The following PLA2G5 variants were observed in gnomAD, a reference collection of about 807,000 sequenced individuals.
PLA2G5 encodes the protein phospholipase A2 group V, also known as Ca2+-dependent phospholipase A2.
A neutral mutation model predicts 15.9 loss-of-function variants in PLA2G5; 12 were observed. That is an observed-to-expected ratio of 0.76 (90% CI 0.48 to 1.23). The LOEUF is 1.23. PLA2G5 is among the 50% of genes most tolerant of loss of function. The probability of loss-of-function intolerance (pLI) is 0.00; values close to 1 mark genes in which losing one functional copy is unlikely to be tolerated. For synonymous variants in PLA2G5, 71 were observed against 71.4 expected (o/e 0.99, Z 0.03); for missense variants, 169 against 177.1 (o/e 0.95, Z 0.26).
intron 1 of PLA2G5, among the ~76,000 whole-genome samples, chr1:20,047,937 TA>T (rs1229740835): frequency 6.6e-6 from 1 of 152,158 alleles, no homozygotes. Flanking sequence ...TAAGATGACT[TA>T]GCTGACAACT....
At chr1:20,089,648 A>C in intron 3 of PLA2G5, 141 bp from the exon 4 acceptor site, 1 of 643,250 alleles carries the variant, frequency 1.6e-6, no homozygotes. Flanking sequence ...TTACTCAGTC[A>C]CACTACCAGA....
chr1:20,061,088 C>G (rs1363008475), intron 2 of PLA2G5, among the ~76,000 whole-genome samples: 1 of 152,196 alleles, frequency 6.6e-6, no homozygotes, highest in African/African-American at 2.4e-5. Context: ...CCTGGTGATT[C>G]CGGACCTCCT....
At chr1:20,069,589 A>C (rs2015231701), upstream of PLA2G5, among the ~76,000 whole-genome samples, 1 of 152,156 alleles carries the variant, frequency 6.6e-6, no homozygotes, top group Non-Finnish European at 1.5e-5. Context: ...GAAGCCCAGG[A>C]AGCCGAGGCT....
At chr1:20,086,062 G>C (rs761188147) in intron 2 of PLA2G5, 21 bp from the exon 3 acceptor site, 4 of 1,613,664 alleles carry the variant, frequency 2.5e-6, no homozygotes, top group Non-Finnish European at 3.4e-6. Flanking sequence ...GTGTCACCTG[G>C]GGACATGGGC....
intron 1 of PLA2G5, among the ~76,000 whole-genome samples, chr1:20,084,617 T>A (rs555534113): frequency 1.3e-5 from 2 of 152,262 alleles, no homozygotes; most frequent in East Asian, 3.9e-4. Context: ...TGCAAATGCT[T>A]CCATTATTGT....
intron 1 of PLA2G5, chr1:20,054,742 A>G (rs886581536): frequency 6.6e-6 from 1 of 151,950 alleles, no homozygotes; most frequent in African/African-American, 2.4e-5. Context: ...ACAATTACAC[A>G]TATTGCTTTA....
chr1:20,065,559 G>T (rs1001715652), upstream of PLA2G5, among the ~76,000 whole-genome samples: 4 of 152,086 alleles, frequency 2.6e-5, no homozygotes. Flanking sequence ...ATGCCTTTAT[G>T]TTCCTCCATG....
At chr1:20,063,455 C>T (rs2014843583) in intron 2 of PLA2G5, 1 of 152,174 alleles carries the variant, frequency 6.6e-6, no homozygotes, top group African/African-American at 2.4e-5. Context: ...TCTTTGCTCA[C>T]ATCCTGGAGT....
chr1:20,033,140 G>A (rs2013057834), intron 1 of PLA2G5, among the ~76,000 whole-genome samples: 1 of 152,220 alleles, frequency 6.6e-6, no homozygotes, highest in Non-Finnish European at 1.5e-5. Context: ...TTGACAGGTA[G>A]TTCTGCCTGT....
chr1:20,060,247 CT>C (rs71585739), intron 2 of PLA2G5, among the ~76,000 whole-genome samples: 8,111 of 83,488 alleles, frequency 0.097, 149 homozygotes, highest in East Asian at 0.23. Flanking sequence ...CTTTTTTCTT[CT>C]TTTTTTTTTT....
At chr1:20,047,718 TTGTGTGTGTGTGTGTGTG>T (rs57199460) in intron 1 of PLA2G5, among the ~76,000 whole-genome samples, 4 of 147,434 alleles carry the variant, frequency 2.7e-5, no homozygotes, top group South Asian at 2.2e-4. Context: ...TATAGGATCT[TTGTGTGTGTGTGTGTGTG>T]TGTGTGTGTG....
At chr1:20,083,610 T>C (rs1340895610) in intron 1 of PLA2G5, among the ~76,000 whole-genome samples, 1 of 151,866 alleles carries the variant, frequency 6.6e-6, no homozygotes, top group Non-Finnish European at 1.5e-5. Context: ...GACTCTAAGC[T>C]GGCAATGGCT....
intron 1 of PLA2G5, among the ~76,000 whole-genome samples, chr1:20,037,615 G>A (rs1016239199): frequency 6.6e-6 from 1 of 152,180 alleles, no homozygotes; most frequent in Non-Finnish European, 1.5e-5. Flanking sequence ...GGAATTAGCT[G>A]TTATTTTCTC....
intron 1 of PLA2G5, among the ~76,000 whole-genome samples, chr1:20,030,819 C>T (rs2012879197): frequency 6.6e-6 from 1 of 152,210 alleles, no homozygotes; most frequent in African/African-American, 2.4e-5. Context: ...AAAGGACATC[C>T]TGCACAGCCC....
intron 1 of PLA2G5, among the ~76,000 whole-genome samples, chr1:20,084,338 G>A (rs2016178996): frequency 6.6e-6 from 1 of 152,224 alleles, no homozygotes; most frequent in Non-Finnish European, 1.5e-5. Context: ...GCTAAAAGGA[G>A]TATGAGATGT....
chr1:20,087,140 C>A (rs2016332326), intron 3 of PLA2G5, among the ~76,000 whole-genome samples: 1 of 152,102 alleles, frequency 6.6e-6, no homozygotes, highest in East Asian at 1.9e-4. Context: ...GCATAGGTAG[C>A]AGTATGCATA....
intron 1 of PLA2G5, among the ~76,000 whole-genome samples, chr1:20,036,986 G>A (rs570751186): frequency 1.3e-5 from 2 of 152,186 alleles, no homozygotes; most frequent in South Asian, 4.1e-4. Context: ...TCTTTAAGTT[G>A]GTTTTCACCT....
At chr1:20,030,858 G>C (rs1028579696) in intron 1 of PLA2G5, among the ~76,000 whole-genome samples, 2 of 152,212 alleles carry the variant, frequency 1.3e-5, no homozygotes, top group African/African-American at 4.8e-5. Context: ...AGTCAACACA[G>C]CACATGTTTC....
At chr1:20,050,728 C>T (rs904408447) in intron 1 of PLA2G5, among the ~76,000 whole-genome samples, 3 of 151,956 alleles carry the variant, frequency 2.0e-5, no homozygotes, top group African/African-American at 7.2e-5. Context: ...TTGGGAAATA[C>T]TTGAGTTATC....
Sources: gnomAD v4.1 joint callset for allele counts (sites outside exome capture counted in the v4.1 genomes callset) on GRCh38, gnomAD v4.1.1 for gene constraint, MANE v1.5 for transcripts, NCBI Gene and HGNC (gene_info 2026-07-23, HGNC 2026-07-21) for gene names.